MYO5A: variants seen among roughly 807,000 people sequenced by gnomAD.
The protein encoded by MYO5A is unconventional myosin-Va.
In MYO5A, 98 loss-of-function variants were observed where a neutral mutation model predicts 249.7. The ratio of observed to expected loss-of-function variants is 0.39; its 90% CI spans 0.33 to 0.46. The LOEUF (loss-of-function observed/expected upper bound fraction) is 0.46, where lower values mean the gene tolerates loss of function less well. MYO5A is among the 20% of genes least tolerant of loss of function. MYO5A has a pLI of 0.98. For synonymous variants in MYO5A, 778 were observed against 810.6 expected (o/e 0.96, Z 0.68); for missense variants, 1,696 against 2,308.8 (o/e 0.73, Z 5.44).
Position 52,317,169 on chromosome 15 carries a change from C to G in MYO5A, c.5288G>C (p.Ser1763Thr), listed in dbSNP as rs1487524515. 1 of 1,614,090 alleles carries G rather than the reference C, an allele frequency of 6.2e-7. No homozygotes were observed. The highest frequency in any genetic ancestry group is 8.5e-7 in the Non-Finnish European group (1 of 1,179,992). The change falls in exon 40 of 42, where the codon AGT (serine) becomes ACT (threonine). Residue 1763 changes from serine (S) to threonine (T), a missense_variant. Physicochemically the swap from Ser to Thr is moderately conservative, Grantham distance 58. This residue lies in a region of MYO5A where 625 missense variants were observed against 908.1 expected (regional missense o/e 0.69). Transcript: ENST00000399233. ...AGGTTCCAGGGTTTCTTTAGCCCCA[C>G]TATTCATCAGATTCTTGTCACGCAG... ...EWLRDKNLMN[S>T]GAKETLEPLI...
At chr15:52,518,272 A>G (rs1259887136) in intron 1 of MYO5A, among the ~76,000 whole-genome samples, 5 of 150,538 alleles carry the variant, frequency 3.3e-5, no homozygotes, top group Admixed American at 6.6e-5. Flanking sequence ...CACAAAAAAA[A>G]AAAAAAAAAA....
chr15:52,498,640 G>T (rs562487525), intron 1 of MYO5A, among the ~76,000 whole-genome samples: 1 of 152,214 alleles, frequency 6.6e-6, no homozygotes, highest in Admixed American at 6.5e-5. Flanking sequence ...CTATTAAGGT[G>T]TTAGTCTTTC....
chr15:52,407,003 G>A (rs538701471), intron 8 of MYO5A, among the ~76,000 whole-genome samples: 6 of 152,228 alleles, frequency 3.9e-5, no homozygotes, highest in Non-Finnish European at 7.4e-5. Flanking sequence ...TATATATTTT[G>A]AACAGTTTTA....
intron 1 of MYO5A, among the ~76,000 whole-genome samples, chr15:52,517,822 T>C (rs1045043579): frequency 3.8e-5 from 3 of 79,468 alleles, no homozygotes; most frequent in Non-Finnish European, 5.8e-5. Flanking sequence ...TTTGTGAATA[T>C]AGACAAAAGA....
intron 32 of MYO5A, 63 bp from the exon 33 acceptor site, chr15:52,337,947 T>A: frequency 9.2e-7 from 1 of 1,092,642 alleles, no homozygotes; most frequent in African/African-American, 1.6e-5. Context: ...ATGCTATCTT[T>A]CAGCAAAATC....
rs1466065203 is a variant in MYO5A, at chr15:52,367,051, T to C, written c.3140A>G (p.Gln1047Arg). 1 of 1,613,888 alleles carries C rather than the reference T, an allele frequency of 6.2e-7. No individual in the cohort carries two copies. The highest frequency in any genetic ancestry group is 1.7e-5 in the Admixed American group (1 of 60,010). Residue 1047 changes from glutamine (Q) to arginine (R), a missense_variant, in exon 23 of 42, where the codon CAG becomes CGG. Gln to Arg is a conservative substitution (Grantham distance 43). Around this residue, in one of 5 missense-constraint regions of MYO5A, gnomAD observed 412 missense variants for 453.3 expected, o/e 0.91. Coordinates refer to ENST00000399233, the MANE Select transcript of MYO5A (RefSeq NM_001382347.1). ...EKEALNHRIV[Q>R]QAKEMTETME... The stretch of plus-strand genomic sequence containing the variant: ...TTTACCTGTCATCTCCTTAGCCTGC[T>C]GCACGATGCGGTGATTGAGGGCTTC...
chr15:52,435,814 G>C (rs954129243), intron 1 of MYO5A: 1 of 329,824 alleles, frequency 3.0e-6, no homozygotes, highest in African/African-American at 2.2e-5. Flanking sequence ...ACACTCAGCA[G>C]AGGCAACATA....
intron 1 of MYO5A, among the ~76,000 whole-genome samples, chr15:52,519,847 C>T (rs887547861): frequency 3.0e-4 from 45 of 151,906 alleles, no homozygotes; most frequent in African/African-American, 9.7e-4. Context: ...TCTCCTGCCT[C>T]GGCCTCCTGA....
At chr15:52,431,036 C>T (rs775362759) in intron 2 of MYO5A, among the ~76,000 whole-genome samples, 16 of 148,974 alleles carry the variant, frequency 1.1e-4, no homozygotes, top group African/African-American at 2.7e-4. Context: ...GTTTGAGACC[C>T]GCCTGGCCAA....
intron 6 of MYO5A, 130 bp from the exon 7 acceptor site, chr15:52,408,270 A>G (rs548089237): frequency 1.1e-4 from 72 of 638,548 alleles, no homozygotes; most frequent in Non-Finnish European, 1.8e-4. Context: ...ATATTTCCTA[A>G]TACTTATTTC....
rs765731529 is a variant in MYO5A at position 52,528,745 on chromosome 15, C to T, written c.27+35G>A. ...ACAGCTGGCGGCGAGGGCCGCACAG[C>T]CCCAGTCCTCGACGCCGGCCGCGGG... On this transcript the variant is annotated intron_variant, in intron 1 of 41. Transcript: ENST00000399233. The T allele has an allele frequency of 7.7e-5, 116 of 1,501,348 alleles. No homozygotes were observed. The African/African-American group carries it at 1.1e-3, about 15-fold the overall frequency. 93.0% of individuals were successfully genotyped at this position (1,501,348 alleles called of 1,614,324 possible). A position where few individuals can be genotyped will look rare whatever the true frequency, so the allele number is the denominator to read the frequency against.
At chr15:52,470,519 G>A (rs1158369354) in intron 1 of MYO5A, among the ~76,000 whole-genome samples, 2 of 152,036 alleles carry the variant, frequency 1.3e-5, no homozygotes, top group Admixed American at 6.5e-5. Context: ...GCGTGGTGGC[G>A]CATCTCTGTA....
chr15:52,379,367 A>G (rs1373352359), intron 18 of MYO5A, among the ~76,000 whole-genome samples: 1 of 152,196 alleles, frequency 6.6e-6, no homozygotes, highest in African/African-American at 2.4e-5. Context: ...AGTACTAGGT[A>G]CACTTTTATC....
At chr15:52,427,770 T>C (rs749316720) in intron 3 of MYO5A, among the ~76,000 whole-genome samples, 1 of 148,742 alleles carries the variant, frequency 6.7e-6, no homozygotes, top group African/African-American at 2.5e-5. Flanking sequence ...GGAGAAAAAA[T>C]AGCCAGAGAA....
At chr15:52,375,244 G>A in intron 20 of MYO5A, 60 bp downstream of exon 20, 1 of 1,546,828 alleles carries the variant, frequency 6.5e-7, no homozygotes, top group South Asian at 1.1e-5. Flanking sequence ...ACTCTGTATA[G>A]ATGTGAAATT....
At chr15:52,480,619 A>G (rs2076695535) in intron 1 of MYO5A, among the ~76,000 whole-genome samples, 1 of 152,220 alleles carries the variant, frequency 6.6e-6, no homozygotes, top group Non-Finnish European at 1.5e-5. Flanking sequence ...AAATGGCAAG[A>G]GGAAAGCAAA....
intron 1 of MYO5A, among the ~76,000 whole-genome samples, chr15:52,468,969 A>C (rs528228001): frequency 1.4e-3 from 217 of 152,268 alleles, no homozygotes; most frequent in African/African-American, 5.0e-3. Flanking sequence ...ATAAAACCAA[A>C]AGTTTTTAAA....
chr15:52,365,316 G>A (rs1567055532), intron 23 of MYO5A, among the ~76,000 whole-genome samples: 2 of 152,150 alleles, frequency 1.3e-5, no homozygotes, highest in South Asian at 2.1e-4. Flanking sequence ...ATCCCCACGC[G>A]CTGCTGAGGA....
At chr15:52,367,907 ACACACAC>A (rs1490910244) in intron 22 of MYO5A, among the ~76,000 whole-genome samples, 12 of 151,438 alleles carry the variant, frequency 7.9e-5, no homozygotes, top group Non-Finnish European at 1.0e-4. Flanking sequence ...ACACACACAC[ACACACAC>A]AAGTTGACTC....
Sources: gnomAD v4.1 joint callset for allele counts (sites outside exome capture counted in the v4.1 genomes callset) on GRCh38, gnomAD v4.1.1 for gene constraint, gnomAD v4.1.1 regional missense constraint, MANE v1.5 for transcripts, NCBI Gene and HGNC (gene_info 2026-07-23, HGNC 2026-07-21) for gene names.